PCCB: variants seen among roughly 807,000 people sequenced by gnomAD.
PCCB encodes propionyl-CoA carboxylase beta chain, mitochondrial.
PCCB carries 43 observed loss-of-function variants against 60.7 expected under a neutral mutation model. That is an observed-to-expected ratio of 0.71 (90% CI 0.55 to 0.91). The LOEUF (loss-of-function observed/expected upper bound fraction) is 0.91. Among genes scored for constraint, PCCB ranks in the 40% least tolerant of loss-of-function variants. The pLI is 0.00. For missense variants in PCCB, 766 were observed against 702.8 expected (o/e 1.09, Z -1.02); for synonymous variants, 276 against 255.9 (o/e 1.08, Z -0.75).
intron 1 of PCCB, chr3:136,251,126 G>T (rs1185967284): frequency 9.1e-6 from 4 of 437,338 alleles, no homozygotes; most frequent in Non-Finnish European, 1.8e-5. Flanking sequence ...CGCCTTGATG[G>T]GTAGCAAAGG....
intron 11 of PCCB, 120 bp from the exon 12 acceptor site, chr3:136,327,035 A>G: frequency 8.8e-7 from 1 of 1,138,604 alleles, no homozygotes; most frequent in Non-Finnish European, 1.3e-6. Flanking sequence ...CTGGGTGTCC[A>G]GAAGATAGGG....
At chr3:136,272,649 T>A (rs1043697758) in intron 5 of PCCB, among the ~76,000 whole-genome samples, 4 of 152,180 alleles carry the variant, frequency 2.6e-5, no homozygotes, top group African/African-American at 9.6e-5. Context: ...GATGTTCATG[T>A]TAGTCTTGAG....
chr3:136,302,792 ATAAG>A lies in PCCB; in HGVS notation c.966+1682_966+1685del, dbSNP rs1180466247. Among the ~76,000 whole-genome samples, 2 of 118,522 alleles carry A rather than the reference ATAAG, an allele frequency of 1.7e-5. 1 individual carries two copies. The highest frequency in any genetic ancestry group is 3.7e-5 in the Non-Finnish European group (2 of 53,394). 77.8% of individuals were successfully genotyped at this position (118,522 alleles called of 152,430 possible). The stretch of plus-strand genomic sequence containing the variant: ...GTGGTTGTATACTGTCTATGTATAA[ATAAG>A]AGTTCTGTCGGGTGCAGGGGCTCAT... On this transcript the variant is annotated intron_variant, in intron 9 of 14. Coordinates refer to ENST00000251654, the MANE Select transcript of PCCB (RefSeq NM_000532.5).
intron 8 of PCCB, among the ~76,000 whole-genome samples, chr3:136,298,521 C>T (rs1385167677): frequency 6.6e-6 from 1 of 152,096 alleles, no homozygotes; most frequent in Non-Finnish European, 1.5e-5. Context: ...CTGGGCTCTA[C>T]CTAGTTGTCC....
intron 6 of PCCB, 45 bp downstream of exon 6, chr3:136,283,992 A>G (rs776629739): frequency 7.6e-6 from 9 of 1,189,872 alleles, no homozygotes; most frequent in African/African-American, 4.5e-5. Flanking sequence ...AGATTTGTGC[A>G]GTTCCTTACC....
chr3:136,307,677 T>TA (rs1233933229), intron 9 of PCCB, among the ~76,000 whole-genome samples: 2 of 151,962 alleles, frequency 1.3e-5, no homozygotes, highest in Admixed American at 6.6e-5. Context: ...ATAGTAATTA[T>TA]AAAAAATAAT....
intron 3 of PCCB, chr3:136,259,149 GTTT>G: frequency 1.4e-6 from 2 of 1,465,244 alleles, no homozygotes; most frequent in Non-Finnish European, 1.8e-6. Context: ...TCTGATTCTT[GTTT>G]TTTAACCTTT....
intron 10 of PCCB, among the ~76,000 whole-genome samples, chr3:136,317,603 C>T (rs1489649839): frequency 6.6e-6 from 1 of 152,098 alleles, no homozygotes; most frequent in East Asian, 1.9e-4. Flanking sequence ...AACTTACATT[C>T]TTAGTGTATA....
intron 5 of PCCB, among the ~76,000 whole-genome samples, chr3:136,268,629 A>G (rs915835806): frequency 1.3e-5 from 2 of 151,924 alleles, no homozygotes; most frequent in Admixed American, 6.6e-5. Context: ...ACACCTAGCT[A>G]ATTTTTGTAT....
chr3:136,277,914 C>T (rs920815749), intron 5 of PCCB, among the ~76,000 whole-genome samples: 4 of 152,170 alleles, frequency 2.6e-5, no homozygotes, highest in Non-Finnish European at 4.4e-5. Flanking sequence ...GCACCTGGCT[C>T]CTGCACTTGT....
At chr3:136,284,574 A>G (rs998184414) in intron 6 of PCCB, among the ~76,000 whole-genome samples, 7 of 152,208 alleles carry the variant, frequency 4.6e-5, no homozygotes, top group African/African-American at 1.7e-4. Context: ...GGATGCCAAG[A>G]CAGAATGGTT....
At chr3:136,259,230 G>A in intron 3 of PCCB, 1 of 1,149,854 alleles carries the variant, frequency 8.7e-7, no homozygotes, top group Non-Finnish European at 1.2e-6. Flanking sequence ...ACTTTGGGAG[G>A]CCGAGGTGGG....
At chr3:136,252,974 A>G (rs1941558445) in intron 1 of PCCB, among the ~76,000 whole-genome samples, 1 of 147,062 alleles carries the variant, frequency 6.8e-6, no homozygotes, top group Non-Finnish European at 1.5e-5. Flanking sequence ...ATAATAGCCA[A>G]TTTGAGGTAT....
At chr3:136,254,934 G>A (rs1321460872) in intron 1 of PCCB, among the ~76,000 whole-genome samples, 1 of 149,832 alleles carries the variant, frequency 6.7e-6, no homozygotes, top group Non-Finnish European at 1.5e-5. Context: ...GAGTGCAATG[G>A]TGCACAATCT....
intron 6 of PCCB, among the ~76,000 whole-genome samples, chr3:136,288,186 G>A (rs1392332991): frequency 6.6e-6 from 1 of 152,178 alleles, no homozygotes; most frequent in Non-Finnish European, 1.5e-5. Flanking sequence ...TTATGACTCA[G>A]AATGTAGTCT....
intron 9 of PCCB, 93 bp from the exon 10 acceptor site, chr3:136,316,846 CTG>C: frequency 7.0e-7 from 1 of 1,437,738 alleles, no homozygotes; most frequent in Non-Finnish European, 9.8e-7. Flanking sequence ...ACCTCTACCT[CTG>C]TAATTCTGTA....
rs1942066743 is a variant in PCCB, at chr3:136,268,087, GATATATATATATA to G, written c.543+6023_543+6035del. On this transcript the variant is annotated intron_variant, in intron 5 of 14. Coordinates refer to ENST00000251654, the MANE Select transcript of PCCB (RefSeq NM_000532.5). ...GTGCGTGTGTGTGTGTGTGTGTGTAGATATATATATATATATATATATATATATATATATGTAT... is the reference window on the plus strand; with the variant it reads ...GTGCGTGTGTGTGTGTGTGTGTGTAGTATATATATATATATATATATGTAT... 6.9e-4 allele frequency among the ~76,000 whole-genome samples: 65 copies of G among 93,800 alleles called. 1 individual carries two copies. The highest frequency in any genetic ancestry group is 2.9e-3 in the African/African-American group (64 of 21,740). 61.5% of individuals were successfully genotyped at this position (93,800 alleles called of 152,430 possible).
chr3:136,322,469 T>C (rs934082381), intron 10 of PCCB, among the ~76,000 whole-genome samples: 5 of 152,242 alleles, frequency 3.3e-5, no homozygotes, highest in Admixed American at 2.6e-4. Flanking sequence ...GCTGGACTCA[T>C]AGAATGAGTT....
chr3:136,319,357 A>G (rs1284479816), intron 10 of PCCB, among the ~76,000 whole-genome samples: 4 of 144,296 alleles, frequency 2.8e-5, no homozygotes, highest in Admixed American at 2.7e-4. Context: ...TTGTCCTTGC[A>G]CTCTTTTGAT....
Sources: gnomAD v4.1 joint callset for allele counts (sites outside exome capture counted in the v4.1 genomes callset) on GRCh38, gnomAD v4.1.1 for gene constraint, MANE v1.5 for transcripts, NCBI Gene and HGNC (gene_info 2026-07-23, HGNC 2026-07-21) for gene names.